GPC5: variants seen among roughly 807,000 people sequenced by gnomAD.
The protein encoded by GPC5 is glypican-5.
A neutral mutation model predicts 53.9 loss-of-function variants in GPC5; 47 were observed. That is an observed-to-expected ratio of 0.87 (90% CI 0.69 to 1.11). GPC5 has a LOEUF of 1.11. GPC5 is among the 50% of genes most tolerant of loss of function. The pLI is 0.00. For missense variants in GPC5, 748 were observed against 713.1 expected (o/e 1.05, Z -0.56); for synonymous variants, 286 against 263.3 (o/e 1.09, Z -0.84).
chr13:91,484,331 T>A (rs1340944027), intron 2 of GPC5, among the ~76,000 whole-genome samples: 1 of 152,192 alleles, frequency 6.6e-6, no homozygotes, highest in Non-Finnish European at 1.5e-5. Flanking sequence ...GTCTACCTGA[T>A]AGGATTATTG....
intron 7 of GPC5, among the ~76,000 whole-genome samples, chr13:92,631,057 C>T (rs546204228): frequency 6.6e-6 from 1 of 152,096 alleles, no homozygotes; most frequent in East Asian, 1.9e-4. Context: ...GAGTATAAAA[C>T]ATAAACATAA....
chr13:92,078,080 A>G (rs2041267214), intron 6 of GPC5, among the ~76,000 whole-genome samples: 1 of 152,220 alleles, frequency 6.6e-6, no homozygotes, highest in African/African-American at 2.4e-5. Context: ...TACATCATAT[A>G]TACCTAAGTA....
At chr13:91,966,388 T>C (rs1352393222) in intron 6 of GPC5, among the ~76,000 whole-genome samples, 1 of 152,144 alleles carries the variant, frequency 6.6e-6, no homozygotes, top group Non-Finnish European at 1.5e-5. Flanking sequence ...ATCAAGAGAC[T>C]TGGAGGTATT....
chr13:92,553,164 A>G (rs1882376059), intron 7 of GPC5, among the ~76,000 whole-genome samples: 1 of 151,966 alleles, frequency 6.6e-6, no homozygotes. Context: ...TTCAATATCA[A>G]TAAATACAAC....
At chr13:92,726,970 T>G (rs1406155444) in intron 7 of GPC5, among the ~76,000 whole-genome samples, 1 of 151,560 alleles carries the variant, frequency 6.6e-6, no homozygotes, top group South Asian at 2.1e-4. Context: ...ATGCTATTGA[T>G]AGTAGGAACA....
intron 6 of GPC5, among the ~76,000 whole-genome samples, chr13:92,084,213 C>T (rs1282636575): frequency 6.6e-6 from 1 of 152,176 alleles, no homozygotes; most frequent in Non-Finnish European, 1.5e-5. Context: ...GTGTAACAAA[C>T]CACCATGGCA....
rs560127184 is a variant in GPC5 at position 92,664,599 on chromosome 13, C to A, written c.1562-201683C>A. Among the ~76,000 whole-genome samples the A allele has an allele frequency of 3.9e-5, 6 of 152,060 alleles. No homozygotes were observed. The South Asian group carries it at 1.2e-3, about 32-fold the overall frequency. On this transcript the variant is annotated intron_variant, in intron 7 of 7. Coordinates refer to ENST00000377067, the MANE Select transcript of GPC5 (RefSeq NM_004466.6). The stretch of plus-strand genomic sequence containing the variant: ...ATCAATATGCATGTGAAAAAATGTC[C>A]AACCTCAATGATAACTTTTTTAAAA...
chr13:91,699,042 T>C (rs1049415161), intron 3 of GPC5, among the ~76,000 whole-genome samples: 1 of 152,144 alleles, frequency 6.6e-6, no homozygotes, highest in African/African-American at 2.4e-5. Flanking sequence ...ATTCTTAGGG[T>C]GAAATAGAAT....
At chr13:91,972,772 T>G (rs1231035308) in intron 6 of GPC5, among the ~76,000 whole-genome samples, 1 of 152,182 alleles carries the variant, frequency 6.6e-6, no homozygotes, top group Non-Finnish European at 1.5e-5. Context: ...AATTCTTTTC[T>G]TTAAGAATGT....
chr13:92,690,275 CT>C (rs1887345007), intron 7 of GPC5, among the ~76,000 whole-genome samples: 1 of 70,852 alleles, frequency 1.4e-5, no homozygotes, highest in Non-Finnish European at 2.5e-5. Flanking sequence ...TCTTTTTATT[CT>C]TTTTTCTCTA....
At chr13:91,420,341 GA>G (rs1383789539) in intron 1 of GPC5, among the ~76,000 whole-genome samples, 5 of 152,226 alleles carry the variant, frequency 3.3e-5, no homozygotes, top group Non-Finnish European at 5.9e-5. Flanking sequence ...TATATTTTAT[GA>G]GTATATAGCT....
chr13:92,275,593 A>T (rs912034416), intron 7 of GPC5, among the ~76,000 whole-genome samples: 4 of 152,156 alleles, frequency 2.6e-5, no homozygotes, highest in African/African-American at 9.7e-5. Flanking sequence ...GATTTCTTCT[A>T]TTAGACATCT....
intron 7 of GPC5, among the ~76,000 whole-genome samples, chr13:92,348,984 C>A (rs1310166234): frequency 6.6e-6 from 1 of 151,812 alleles, no homozygotes; most frequent in Non-Finnish European, 1.5e-5. Context: ...AGATTTCAAA[C>A]AATTAATCTT....
At chr13:91,962,557 C>A (rs912534237) in intron 6 of GPC5, among the ~76,000 whole-genome samples, 1 of 151,992 alleles carries the variant, frequency 6.6e-6, no homozygotes, top group Non-Finnish European at 1.5e-5. Flanking sequence ...GTTGCACAGT[C>A]TTAGTATTAG....
chr13:91,572,185 G>A lies in GPC5; in HGVS notation c.326-121002G>A, dbSNP rs1472245328. 1.1e-3 allele frequency among the ~76,000 whole-genome samples: 74 copies of A among 64,622 alleles called. 6 individuals carry two copies. Among genetic ancestry groups the A allele is most frequent in the Non-Finnish European group, 1.2e-3 (28 of 23,130 alleles). The allele number at this position is 64,622 out of a possible 152,430, so 42.4% of individuals were successfully genotyped here. ...CACACACATATGTATATATACGTGT[G>A]TATACACACACATATGTATATATAC... On this transcript the variant is annotated intron_variant, in intron 2 of 7. Coordinates refer to ENST00000377067, the MANE Select transcript of GPC5 (RefSeq NM_004466.6).
intron 6 of GPC5, among the ~76,000 whole-genome samples, chr13:92,062,773 C>G (rs1269549189): frequency 1.3e-5 from 2 of 151,886 alleles, no homozygotes; most frequent in African/African-American, 4.8e-5. Flanking sequence ...TAATTCCGAT[C>G]TCATGTTCCA....
intron 7 of GPC5, among the ~76,000 whole-genome samples, chr13:92,185,988 A>G (rs1267130260): frequency 6.6e-6 from 1 of 152,172 alleles, no homozygotes; most frequent in Non-Finnish European, 1.5e-5. Context: ...AAATGTAATA[A>G]CAGCTTTGAG....
chr13:91,501,166 T>C (rs905701919), intron 2 of GPC5, among the ~76,000 whole-genome samples: 5 of 152,108 alleles, frequency 3.3e-5, no homozygotes, highest in Admixed American at 2.0e-4. Flanking sequence ...TGTTAGCTTT[T>C]AGTTTAATAT....
intron 7 of GPC5, among the ~76,000 whole-genome samples, chr13:92,617,987 G>T (rs1884751743): frequency 6.6e-6 from 1 of 152,148 alleles, no homozygotes; most frequent in African/African-American, 2.4e-5. Flanking sequence ...CTAAAAGGAA[G>T]TAACACCTAA....
Sources: allele counts gnomAD v4.1 joint callset (sites outside exome capture counted in the v4.1 genomes callset), GRCh38; gene constraint gnomAD v4.1.1; transcripts MANE v1.5; gene names NCBI Gene and HGNC (gene_info 2026-07-23, HGNC 2026-07-21).